Variants in COBL observed in about 807,000 individuals in gnomAD.
COBL encodes the protein cordon-bleu WH2 repeat protein, also known as protein cordon-bleu.
Under a neutral mutation model 98.8 loss-of-function variants are expected in COBL, and 51 were observed. The observed-to-expected ratio is 0.52, with a 90% CI of 0.41 to 0.65. COBL has a LOEUF of 0.65. COBL is among the 30% of genes least tolerant of loss of function. COBL has a pLI of 0.00. For missense variants in COBL, 1,617 were observed against 1,617.5 expected, an observed-to-expected ratio of 1.00 and a Z score of 0.01; for synonymous variants, 634 against 651.7, an observed-to-expected ratio of 0.97 and a Z score of 0.41.
At chr7:51,310,919 G>C (rs900440869) in intron 1 of COBL, among the ~76,000 whole-genome samples, 2 of 151,448 alleles carry the variant, frequency 1.3e-5, no homozygotes, top group African/African-American at 4.8e-5. Flanking sequence ...GCCTCCCAAA[G>C]TGCTGGGATT....
At chr7:51,278,003 G>C (rs1439953394) in intron 1 of COBL, among the ~76,000 whole-genome samples, 1 of 152,172 alleles carries the variant, frequency 6.6e-6, no homozygotes, top group Non-Finnish European at 1.5e-5. Flanking sequence ...CCTGCGTGAA[G>C]TACAGCAGAG....
chr7:51,289,722 C>A (rs545363526), intron 1 of COBL, among the ~76,000 whole-genome samples: 13 of 152,386 alleles, frequency 8.5e-5, no homozygotes, highest in Admixed American at 8.5e-4. Context: ...GTGATCAGAA[C>A]AAACAACTAC....
chr7:51,145,197 G>T (rs1357035518), intron 5 of COBL, among the ~76,000 whole-genome samples: 4 of 151,844 alleles, frequency 2.6e-5, no homozygotes, highest in African/African-American at 7.3e-5. Flanking sequence ...TGTATTTTCA[G>T]TAGAGACAGG....
intron 1 of COBL, among the ~76,000 whole-genome samples, chr7:51,244,938 T>C (rs1370902548): frequency 6.6e-6 from 1 of 152,182 alleles, no homozygotes; most frequent in Non-Finnish European, 1.5e-5. Flanking sequence ...CCCATTTTTT[T>C]CTCTGCTCTC....
intron 5 of COBL, among the ~76,000 whole-genome samples, chr7:51,142,299 T>C (rs1365473293): frequency 1.3e-5 from 2 of 152,048 alleles, no homozygotes. Flanking sequence ...CAAAATACCG[T>C]GTCACACAAG....
chr7:51,272,975 AC>A (rs1798913560), intron 1 of COBL, among the ~76,000 whole-genome samples: 2 of 151,442 alleles, frequency 1.3e-5, no homozygotes, highest in South Asian at 4.2e-4. Context: ...AACAACAACA[AC>A]AACAACAACA....
At chr7:51,083,150 G>T (rs941663366) in intron 7 of COBL, 7 of 1,504,184 alleles carry the variant, frequency 4.7e-6, no homozygotes, top group Non-Finnish European at 6.2e-6. Flanking sequence ...AGGGTAGGGC[G>T]GGGGTGGGGG....
intron 6 of COBL, among the ~76,000 whole-genome samples, chr7:51,099,072 C>T (rs1002974565): frequency 6.6e-6 from 1 of 150,966 alleles, no homozygotes; most frequent in African/African-American, 2.4e-5. Flanking sequence ...CACCTCACTT[C>T]CACTAGGATG....
chr7:51,070,749 C>T (rs1156766547), intron 7 of COBL: 1 of 152,138 alleles, frequency 6.6e-6, no homozygotes, highest in Admixed American at 6.6e-5. Flanking sequence ...ATCACAAACA[C>T]AGATGCGATG....
intron 5 of COBL, among the ~76,000 whole-genome samples, chr7:51,143,372 T>A (rs971896236): frequency 7.2e-5 from 11 of 152,196 alleles, no homozygotes; most frequent in Non-Finnish European, 1.0e-4. Context: ...CATGTAAAAT[T>A]TGCCATAATT....
intron 6 of COBL, among the ~76,000 whole-genome samples, chr7:51,129,063 A>T (rs1268994701): frequency 6.6e-6 from 1 of 152,256 alleles, no homozygotes. Flanking sequence ...AAATTCTGTC[A>T]CATCCTTGAG....
intron 6 of COBL, among the ~76,000 whole-genome samples, chr7:51,108,106 G>A (rs1215083817): frequency 4.6e-5 from 7 of 152,064 alleles, no homozygotes; most frequent in Non-Finnish European, 7.4e-5. Flanking sequence ...CAGAGGCCAC[G>A]CTTCCAGCCT....
chr7:51,232,433 G>A (rs772917286), intron 1 of COBL, among the ~76,000 whole-genome samples: 16 of 152,076 alleles, frequency 1.1e-4, no homozygotes, highest in Non-Finnish European at 2.1e-4. Context: ...ACTGATGACC[G>A]AGAAAGCAGA....
At chr7:51,181,207 G>T (rs760406570) in intron 5 of COBL, among the ~76,000 whole-genome samples, 1 of 152,154 alleles carries the variant, frequency 6.6e-6, no homozygotes, top group Non-Finnish European at 1.5e-5. Flanking sequence ...ATGCTTTCAA[G>T]AAGAAATATT....
chr7:51,158,546 A>G (rs1325914249), intron 5 of COBL, among the ~76,000 whole-genome samples: 1 of 152,218 alleles, frequency 6.6e-6, no homozygotes, highest in African/African-American at 2.4e-5. Flanking sequence ...CTGAGGAGAC[A>G]ACAAGGGAGC....
chr7:51,228,868 C>T (rs1040847061), intron 1 of COBL, among the ~76,000 whole-genome samples: 3 of 152,048 alleles, frequency 2.0e-5, no homozygotes, highest in Non-Finnish European at 2.9e-5. Context: ...AGATAAAACC[C>T]TGAGTTACTA....
At chr7:51,115,611 CACA>C (rs1470740260) in intron 6 of COBL, among the ~76,000 whole-genome samples, 2 of 152,030 alleles carry the variant, frequency 1.3e-5, no homozygotes, top group Non-Finnish European at 2.9e-5. Context: ...TGTAATACTC[CACA>C]TGATATAAAT....
chr7:51,166,437 A>C (rs1200191769), intron 5 of COBL, among the ~76,000 whole-genome samples: 1 of 152,164 alleles, frequency 6.6e-6, no homozygotes, highest in African/African-American at 2.4e-5. Context: ...ATTAATAACA[A>C]GTAACAATAT....
chr7:51,169,307 A>C (rs1237753116), intron 5 of COBL, among the ~76,000 whole-genome samples: 1 of 152,098 alleles, frequency 6.6e-6, no homozygotes. Flanking sequence ...ACCAATGTGA[A>C]TCTTACGTGT....
Sources: allele counts gnomAD v4.1 joint callset (sites outside exome capture counted in the v4.1 genomes callset), GRCh38; gene constraint gnomAD v4.1.1; transcripts MANE v1.5; gene names NCBI Gene and HGNC (gene_info 2026-07-23, HGNC 2026-07-21).